ESYT2: variants seen among roughly 807,000 people sequenced by gnomAD.
ESYT2 encodes the protein extended synaptotagmin-2.
Under a neutral mutation model 107.2 loss-of-function variants are expected in ESYT2, and 54 were observed. That is an observed-to-expected ratio of 0.50 (90% CI 0.40 to 0.63). The LOEUF is 0.63. Among genes scored for constraint, ESYT2 ranks in the 30% least tolerant of loss-of-function variants. The pLI is 0.00. For missense variants in ESYT2, 1,020 were observed against 1,094.5 expected (o/e 0.93, Z 0.96); for synonymous variants, 491 against 434.1 (o/e 1.13, Z -1.63).
chr7:158,826,756 G>A (rs1254429353), intron 1 of ESYT2, among the ~76,000 whole-genome samples: 1 of 146,560 alleles, frequency 6.8e-6, no homozygotes, highest in Non-Finnish European at 1.5e-5. Flanking sequence ...GGGAGGCGGA[G>A]GTTGCAGTGA....
chr7:158,780,882 A>C (rs1329329662), intron 6 of ESYT2, among the ~76,000 whole-genome samples: 1 of 152,236 alleles, frequency 6.6e-6, no homozygotes, highest in Non-Finnish European at 1.5e-5. Flanking sequence ...CAGAGGCTGT[A>C]ATGACGGAGG....
At chr7:158,808,013 G>A (rs966862257) in intron 1 of ESYT2, among the ~76,000 whole-genome samples, 1 of 152,136 alleles carries the variant, frequency 6.6e-6, no homozygotes, top group Admixed American at 6.5e-5. Flanking sequence ...CACAGCTCCA[G>A]GTGCAGAAAA....
intron 17 of ESYT2, 113 bp from the exon 18 acceptor site, chr7:158,742,009 A>G: frequency 7.5e-7 from 1 of 1,328,280 alleles, no homozygotes; most frequent in Non-Finnish European, 1.0e-6. Context: ...CTTAGCTCAA[A>G]AAAAAATTTT....
At chr7:158,783,372 C>G (rs1838994555) in intron 6 of ESYT2, among the ~76,000 whole-genome samples, 1 of 152,182 alleles carries the variant, frequency 6.6e-6, no homozygotes, top group African/African-American at 2.4e-5. Context: ...GCCTGGCATC[C>G]TGGCTGCATT....
chr7:158,791,413 C>T (rs1839289024), intron 4 of ESYT2, among the ~76,000 whole-genome samples: 1 of 152,150 alleles, frequency 6.6e-6, no homozygotes, highest in Admixed American at 6.5e-5. Context: ...TGCTCAAGTC[C>T]CGGCTTTCAA....
intron 1 of ESYT2, among the ~76,000 whole-genome samples, chr7:158,828,668 G>A (rs536936024): frequency 1.3e-5 from 2 of 152,320 alleles, no homozygotes; most frequent in East Asian, 1.9e-4. Flanking sequence ...CGGAGGGAGG[G>A]CACGGAGCAC....
At chr7:158,785,463 A>AATCAATC (rs1563019053) in intron 6 of ESYT2, among the ~76,000 whole-genome samples, 1 of 150,056 alleles carries the variant, frequency 6.7e-6, no homozygotes, top group African/African-American at 2.5e-5. Flanking sequence ...ATAAATAAAT[A>AATCAATC]AATAAATAAA....
At chr7:158,796,495 A>G (rs966430611) in intron 3 of ESYT2, among the ~76,000 whole-genome samples, 2 of 152,230 alleles carry the variant, frequency 1.3e-5, no homozygotes, top group African/African-American at 2.4e-5. Flanking sequence ...TAAACTTGTC[A>G]ATTACTGCAC....
rs183968386 is a variant in ESYT2, at chr7:158,804,596, T to C, written c.331-5524A>G. ...CCAAACTGCCGAGAAAGGTGAGGTG[T>C]GTGACAAACCCAAAGTGCTGAGAAA... On this transcript the variant is annotated intron_variant, in intron 1 of 22. Transcript: ENST00000275418. 9.4e-4 allele frequency among the ~76,000 whole-genome samples: 109 copies of C among 116,088 alleles called. No individual in the cohort carries two copies. The East Asian group carries it at 0.023, about 25-fold the overall frequency. The allele number at this position is 116,088 out of a possible 152,430, so 76.2% of individuals were successfully genotyped here. A position where few individuals can be genotyped will look rare whatever the true frequency, so the allele number is the denominator to read the frequency against.
chr7:158,785,160 C>G (rs141799134), intron 6 of ESYT2, among the ~76,000 whole-genome samples: 4 of 152,094 alleles, frequency 2.6e-5, no homozygotes, highest in Non-Finnish European at 5.9e-5. Flanking sequence ...CGGTGGCTCA[C>G]GCCTGTAATC....
chr7:158,827,371 A>G (rs1840488013), intron 1 of ESYT2, among the ~76,000 whole-genome samples: 1 of 152,110 alleles, frequency 6.6e-6, no homozygotes. Context: ...TTTTAGTATT[A>G]TGCATCTTAG....
At position 158,829,237 on chromosome 7, in the gene ESYT2, C is replaced by A; in HGVS notation, c.182G>T (p.Ser61Ile). The A allele has an allele frequency of 6.5e-7, 1 of 1,528,840 alleles. No homozygotes were observed. The highest frequency in any genetic ancestry group is 8.7e-7 in the Non-Finnish European group (1 of 1,146,110). 94.7% of individuals were successfully genotyped at this position (1,528,840 alleles called of 1,614,324 possible). A position where few individuals can be genotyped will look rare whatever the true frequency, so the allele number is the denominator to read the frequency against. Residue 61 changes from serine (S) to isoleucine (I), a missense_variant, in exon 1 of 23, where the codon AGC (serine) becomes ATC (isoleucine). Coordinates refer to ENST00000275418, the MANE Select transcript of ESYT2 (RefSeq NM_001367773.1). ...CAGCGCGAGCGCGAGGAGAACCCAG[C>A]TGAAGCTGAGCCCCAGGTAGCCCAG... ...YALGYLGLSF[S>I]WVLLALALLA...
chr7:158,738,070 A>C (rs6948931), intron 19 of ESYT2, among the ~76,000 whole-genome samples: 35,953 of 151,860 alleles, frequency 0.24, 5,124 homozygotes, highest in East Asian at 0.59. Flanking sequence ...AAAAATTAAA[A>C]ATTAGCCAGG....
intron 17 of ESYT2, among the ~76,000 whole-genome samples, chr7:158,742,456 T>C (rs1008928984): frequency 6.6e-6 from 1 of 152,226 alleles, no homozygotes; most frequent in African/African-American, 2.4e-5. Context: ...GGACAATGTT[T>C]TTACATCAAG....
At chr7:158,753,439 C>T (rs1236839831) in intron 13 of ESYT2, among the ~76,000 whole-genome samples, 1 of 152,066 alleles carries the variant, frequency 6.6e-6, no homozygotes, top group African/African-American at 2.4e-5. Context: ...TTTATGTTTA[C>T]TTTTATTGAT....
At chr7:158,752,934 A>G in intron 13 of ESYT2, 91 bp from the exon 14 acceptor site, 1 of 827,594 alleles carries the variant, frequency 1.2e-6, no homozygotes, top group South Asian at 1.6e-5. Context: ...ATTTATGGGA[A>G]TAAACAAACA....
In ESYT2 at chr7:158,799,091, C is replaced by A; in HGVS notation, c.331-19G>T. On this transcript the variant is annotated intron_variant, in intron 1 of 22. Coordinates refer to ENST00000275418, the MANE Select transcript of ESYT2 (RefSeq NM_001367773.1). Reference sequence around the variant, plus strand: ...AATGAACCTAGGAGGAAAATACACACATATGACTTATTAACTCCCAACAAC... The same window carrying A: ...AATGAACCTAGGAGGAAAATACACAAATATGACTTATTAACTCCCAACAAC... 1.2e-6 allele frequency: 2 copies of A among 1,609,548 alleles called. No individual in the cohort carries two copies. Among genetic ancestry groups the A allele is most frequent in the Non-Finnish European group, 8.5e-7 (1 of 1,176,852 alleles).
rs535903285 is a variant in ESYT2, at chr7:158,797,413, T to C, written c.507+529A>G. Among the ~76,000 whole-genome samples, 304 of 152,120 alleles carry C rather than the reference T, an allele frequency of 2.0e-3. 1 individual carries two copies. Among genetic ancestry groups the C allele is most frequent in the African/African-American group, 7.0e-3 (290 of 41,502 alleles). On this transcript the variant is annotated intron_variant, in intron 3 of 22. Coordinates refer to ENST00000275418, the MANE Select transcript of ESYT2 (RefSeq NM_001367773.1). Reference sequence around the variant, plus strand: ...TCCCAAAGTGCTGGGGTCACAAGCATGAGCCACTGCTTCCAGCTGAAGTTG... The same window carrying C: ...TCCCAAAGTGCTGGGGTCACAAGCACGAGCCACTGCTTCCAGCTGAAGTTG...
At chr7:158,772,567 T>C (rs1838409528) in intron 7 of ESYT2, among the ~76,000 whole-genome samples, 1 of 152,196 alleles carries the variant, frequency 6.6e-6, no homozygotes, top group Non-Finnish European at 1.5e-5. Flanking sequence ...CAAAAGCATT[T>C]AGAGGCTGTA....
Sources: gnomAD v4.1 joint callset for allele counts (sites outside exome capture counted in the v4.1 genomes callset) on GRCh38, gnomAD v4.1.1 for gene constraint, MANE v1.5 for transcripts, NCBI Gene and HGNC (gene_info 2026-07-23, HGNC 2026-07-21) for gene names.